The following PTPRD variants were observed in gnomAD, a reference collection of about 807,000 sequenced individuals.
PTPRD encodes the protein receptor-type tyrosine-protein phosphatase delta.
In PTPRD, 34 loss-of-function variants were observed where a neutral mutation model predicts 214.5. The ratio of observed to expected loss-of-function variants is 0.16; its 90% confidence interval spans 0.12 to 0.21. The LOEUF is 0.21. Ranked by LOEUF, PTPRD falls within the 10% of genes least tolerant of loss-of-function variation. PTPRD has a pLI of 1.00. For synonymous variants in PTPRD, 1,128 were observed against 845.7 expected (o/e 1.33, Z -5.79); for missense variants, 2,545 against 2,398.7 (o/e 1.06, Z -1.27).
intron 4 of PTPRD, among the ~76,000 whole-genome samples, chr9:10,025,305 A>T (rs200948644): frequency 2.1e-4 from 32 of 152,186 alleles, no homozygotes; most frequent in Admixed American, 6.6e-4. Flanking sequence ...GTTTCCTGAC[A>T]TTTTAATGAT....
At chr9:8,733,346 T>C (rs1161742734) in intron 12 of PTPRD, among the ~76,000 whole-genome samples, 1 of 152,064 alleles carries the variant, frequency 6.6e-6, no homozygotes, top group East Asian at 1.9e-4. Flanking sequence ...ACAAGGGGCT[T>C]GGAAGTTTAA....
At chr9:10,595,790 A>T (rs2076503003) in intron 2 of PTPRD, among the ~76,000 whole-genome samples, 1 of 151,742 alleles carries the variant, frequency 6.6e-6, no homozygotes, top group African/African-American at 2.4e-5. Flanking sequence ...GGGGGAAAGA[A>T]GCTAATATTC....
At chr9:9,807,378 C>G (rs2045785399) in intron 5 of PTPRD, among the ~76,000 whole-genome samples, 1 of 152,070 alleles carries the variant, frequency 6.6e-6, no homozygotes, top group African/African-American at 2.4e-5. Flanking sequence ...ATTGAAAATC[C>G]TGATTTCACG....
intron 9 of PTPRD, among the ~76,000 whole-genome samples, chr9:9,395,333 A>G (rs1249428435): frequency 6.6e-6 from 1 of 152,096 alleles, no homozygotes; most frequent in Non-Finnish European, 1.5e-5. Context: ...CCATTTCCTG[A>G]TATAATCACC....
chr9:8,963,434 T>C (rs1237283539), intron 11 of PTPRD, among the ~76,000 whole-genome samples: 1 of 152,158 alleles, frequency 6.6e-6, no homozygotes, highest in Non-Finnish European at 1.5e-5. Flanking sequence ...GTATGTGTTA[T>C]ATTTCACAGA....
chr9:9,420,269 G>A (rs544876880), intron 8 of PTPRD, among the ~76,000 whole-genome samples: 4 of 151,810 alleles, frequency 2.6e-5, no homozygotes, highest in Non-Finnish European at 5.9e-5. Flanking sequence ...AACTATTTTA[G>A]TTTTCACAAG....
chr9:9,342,297 T>C (rs1056937780), intron 9 of PTPRD, among the ~76,000 whole-genome samples: 2 of 152,164 alleles, frequency 1.3e-5, no homozygotes, highest in Non-Finnish European at 2.9e-5. Flanking sequence ...CCTGGGTCCC[T>C]GACTATTTTA....
chr9:10,421,293 TC>T (rs1460920443), intron 2 of PTPRD, among the ~76,000 whole-genome samples: 1 of 151,820 alleles, frequency 6.6e-6, no homozygotes, highest in Non-Finnish European at 1.5e-5. Flanking sequence ...CTTCTCTTTT[TC>T]TTGCTCACCC....
rs527861276 is a variant in PTPRD at position 9,045,453 on chromosome 9, G to A, written c.-142-26718C>T. ...CGGGGGTTGTGGTTTGATTTTGACA[G>A]GCAAACAATAAAAGCTATTGAAGAG... On this transcript the variant is annotated intron_variant, in intron 10 of 45. Coordinates refer to ENST00000381196, the MANE Select transcript of PTPRD (RefSeq NM_002839.4). Among the ~76,000 whole-genome samples, 188 of 152,208 alleles carry A rather than the reference G, an allele frequency of 1.2e-3. 3 individuals are homozygous for A. The Middle Eastern group carries it at 0.017, about 14-fold the overall frequency.
At chr9:10,458,785 G>A (rs1367811793) in intron 2 of PTPRD, among the ~76,000 whole-genome samples, 6 of 139,242 alleles carry the variant, frequency 4.3e-5, no homozygotes, top group Admixed American at 2.1e-4. Context: ...TGTAGAAAAC[G>A]TCAAAGACAC....
chr9:9,057,290 T>C (rs1181714684), intron 10 of PTPRD, among the ~76,000 whole-genome samples: 1 of 152,128 alleles, frequency 6.6e-6, no homozygotes, highest in Admixed American at 6.6e-5. Flanking sequence ...GTCTTGGCAA[T>C]GATATATTTT....
chr9:9,815,961 G>C (rs1334635181), intron 5 of PTPRD, among the ~76,000 whole-genome samples: 1 of 152,126 alleles, frequency 6.6e-6, no homozygotes, highest in Admixed American at 6.6e-5. Context: ...TTTTTTAAGT[G>C]AAAGTGTGGA....
chr9:9,738,182 A>G (rs1038871184), intron 6 of PTPRD, among the ~76,000 whole-genome samples: 11 of 152,214 alleles, frequency 7.2e-5, no homozygotes, highest in African/African-American at 1.7e-4. Flanking sequence ...AGGCACACCA[A>G]CGTGGCACAT....
chr9:9,430,125 G>C (rs555213941), intron 8 of PTPRD, among the ~76,000 whole-genome samples: 1 of 152,178 alleles, frequency 6.6e-6, no homozygotes, highest in African/African-American at 2.4e-5. Context: ...CCTGTTTGCA[G>C]ATGACATGAT....
chr9:8,804,696 G>T (rs972690570), intron 11 of PTPRD, among the ~76,000 whole-genome samples: 1 of 147,394 alleles, frequency 6.8e-6, no homozygotes, highest in Non-Finnish European at 1.5e-5. Context: ...TTCTTACTCA[G>T]AATACTCTAA....
chr9:8,624,940 T>A (rs1030265091), intron 14 of PTPRD, among the ~76,000 whole-genome samples: 4 of 151,832 alleles, frequency 2.6e-5, no homozygotes, highest in African/African-American at 9.7e-5. Context: ...GACTCATTCT[T>A]ACCCAAATGG....
intron 7 of PTPRD, among the ~76,000 whole-genome samples, chr9:9,592,144 A>G (rs939100487): frequency 7.2e-5 from 11 of 152,098 alleles, no homozygotes; most frequent in African/African-American, 2.7e-4. Flanking sequence ...AACACTTGCT[A>G]TGAAATAACT....
chr9:9,189,613 T>A (rs768389668), intron 9 of PTPRD, among the ~76,000 whole-genome samples: 49 of 152,078 alleles, frequency 3.2e-4, no homozygotes, highest in Non-Finnish European at 5.9e-4. Context: ...TATATGGTTA[T>A]CTCTTTGCCC....
chr9:10,147,271 T>A (rs28663117), intron 3 of PTPRD, among the ~76,000 whole-genome samples: 10 of 151,828 alleles, frequency 6.6e-5, no homozygotes, highest in African/African-American at 1.7e-4. Context: ...GTTCTTTTTT[T>A]TTATTATTAT....
Sources: allele counts gnomAD v4.1 joint callset (sites outside exome capture counted in the v4.1 genomes callset), GRCh38; gene constraint gnomAD v4.1.1; transcripts MANE v1.5; gene names NCBI Gene and HGNC (gene_info 2026-07-23, HGNC 2026-07-21).